ANKS1B: variants seen among roughly 807,000 people sequenced by gnomAD.
ANKS1B encodes ankyrin repeat and sterile alpha motif domain containing 1B.
A neutral mutation model predicts 148.3 loss-of-function variants in ANKS1B; 36 were observed. The observed-to-expected ratio is 0.24, with a 90% CI of 0.19 to 0.32. The LOEUF (loss-of-function observed/expected upper bound fraction) is 0.32, where lower values mean the gene tolerates loss of function less well. Among genes scored for constraint, ANKS1B ranks in the 10% least tolerant of loss-of-function variants. The pLI, the probability that ANKS1B is intolerant of heterozygous loss-of-function variation, is 1.00. For missense variants in ANKS1B, 1,157 were observed against 1,542.6 expected, an observed-to-expected ratio of 0.75 and a Z score of 4.19; for synonymous variants, 542 against 560.8, an observed-to-expected ratio of 0.97 and a Z score of 0.47.
intron 10 of ANKS1B, among the ~76,000 whole-genome samples, chr12:99,471,933 T>A (rs558038242): frequency 6.6e-6 from 1 of 152,268 alleles, no homozygotes; most frequent in African/African-American, 2.4e-5. Context: ...ATTGTTAAGT[T>A]ATTTAGTGGT....
intron 1 of ANKS1B, among the ~76,000 whole-genome samples, chr12:99,918,023 A>C (rs2094225052): frequency 6.6e-6 from 1 of 152,224 alleles, no homozygotes; most frequent in South Asian, 2.1e-4. Context: ...GCTCCTTATG[A>C]GAATCTAATG....
At chr12:98,796,286 T>A (rs1490662189) in intron 22 of ANKS1B, among the ~76,000 whole-genome samples, 1 of 152,200 alleles carries the variant, frequency 6.6e-6, no homozygotes, top group Admixed American at 6.5e-5. Flanking sequence ...ACAGAAAACA[T>A]CTTTTTTTCA....
At chr12:99,082,008 AC>A (rs2049959810) in intron 16 of ANKS1B, among the ~76,000 whole-genome samples, 1 of 152,140 alleles carries the variant, frequency 6.6e-6, no homozygotes, top group South Asian at 2.1e-4. Flanking sequence ...TGTTATTAGT[AC>A]CTTGAGATAG....
rs59742104 is a variant in ANKS1B at position 99,095,525 on chromosome 12, C to A, written c.2527-10502G>T. On this transcript the variant is annotated intron_variant, in intron 15 of 26. Transcript: ENST00000683438. ...AATGATAGATATCTCCATTGGATAC[C>A]TGGAGGCAGGCAAGGATAGGCCATG... 4.0e-3 allele frequency among the ~76,000 whole-genome samples: 613 copies of A among 152,254 alleles called. 25 individuals carry two copies. In the East Asian group the frequency reaches 0.085, roughly 21 times the overall value.
chr12:99,760,190 T>C (rs1257701293), intron 8 of ANKS1B, among the ~76,000 whole-genome samples: 1 of 151,684 alleles, frequency 6.6e-6, no homozygotes, highest in African/African-American at 2.4e-5. Context: ...GCAAGAATCA[T>C]TAACAATTAG....
chr12:99,520,580 A>G (rs2096865330), intron 9 of ANKS1B, among the ~76,000 whole-genome samples: 1 of 152,056 alleles, frequency 6.6e-6, no homozygotes, highest in African/African-American at 2.4e-5. Flanking sequence ...CTTGCATTCT[A>G]TAATCTTCTT....
chr12:99,686,645 A>C (rs1338310244), intron 8 of ANKS1B, among the ~76,000 whole-genome samples: 1 of 152,218 alleles, frequency 6.6e-6, no homozygotes, highest in Non-Finnish European at 1.5e-5. Flanking sequence ...TATGACAATT[A>C]TAGACATGTA....
chr12:99,526,499 T>C (rs1326750457), intron 9 of ANKS1B, among the ~76,000 whole-genome samples: 2 of 152,058 alleles, frequency 1.3e-5, no homozygotes, highest in Non-Finnish European at 2.9e-5. Flanking sequence ...GGAGTGTGGG[T>C]GGAGGGAAGC....
At chr12:99,216,975 T>G (rs1316880234) in intron 14 of ANKS1B, among the ~76,000 whole-genome samples, 5 of 152,136 alleles carry the variant, frequency 3.3e-5, no homozygotes, top group Admixed American at 2.0e-4. Context: ...TATGGATGGA[T>G]GGACATAGCT....
chr12:99,715,377 T>A (rs1008651927), intron 8 of ANKS1B, among the ~76,000 whole-genome samples: 11 of 152,164 alleles, frequency 7.2e-5, no homozygotes, highest in African/African-American at 2.7e-4. Flanking sequence ...GCTCCCCTAC[T>A]GAGCACCTTG....
intron 10 of ANKS1B, among the ~76,000 whole-genome samples, chr12:99,446,538 A>G (rs2095640818): frequency 6.6e-6 from 1 of 152,092 alleles, no homozygotes; most frequent in Non-Finnish European, 1.5e-5. Flanking sequence ...TCTCAAAGTT[A>G]TATTCTCAGT....
chr12:98,763,737 A>T (rs960774530), intron 25 of ANKS1B, among the ~76,000 whole-genome samples: 1 of 152,246 alleles, frequency 6.6e-6, no homozygotes, highest in Non-Finnish European at 1.5e-5. Flanking sequence ...GTCTAAAATC[A>T]TAACATATTT....
intron 17 of ANKS1B, among the ~76,000 whole-genome samples, chr12:98,972,540 C>T (rs774395973): frequency 6.6e-6 from 1 of 152,176 alleles, no homozygotes; most frequent in South Asian, 2.1e-4. Context: ...CATTGCCCAG[C>T]TGCACACAGC....
At chr12:99,050,743 G>A (rs1234130807) in intron 17 of ANKS1B, among the ~76,000 whole-genome samples, 7 of 142,318 alleles carry the variant, frequency 4.9e-5, no homozygotes, top group Non-Finnish European at 7.5e-5. Context: ...CCAGGCTGGA[G>A]TGCAGTGGCG....
At chr12:99,193,069 A>G (rs2080944414) in intron 14 of ANKS1B, among the ~76,000 whole-genome samples, 1 of 152,130 alleles carries the variant, frequency 6.6e-6, no homozygotes. Context: ...ATCTCTTCCT[A>G]CTTCTTCAGA....
rs547362491 is a variant in ANKS1B at position 99,598,635 on chromosome 12, G to A, written c.1272+56432C>T. Among the ~76,000 whole-genome samples the A allele has an allele frequency of 1.1e-3, 164 of 152,168 alleles. 1 individual carries two copies. Among genetic ancestry groups the A allele is most frequent in the Middle Eastern group, 3.4e-3 (1 of 294 alleles). On this transcript the variant is annotated intron_variant, in intron 9 of 26. Coordinates refer to ENST00000683438, the MANE Select transcript of ANKS1B (RefSeq NM_001352186.2). The stretch of plus-strand genomic sequence containing the variant: ...AGCAGGCACAATGGGACAGAGGGCC[G>A]ACTTGCCAGAGAGAGTCAGAAAAAG...
chr12:98,757,617 T>C (rs983563583), intron 25 of ANKS1B, among the ~76,000 whole-genome samples: 1 of 152,126 alleles, frequency 6.6e-6, no homozygotes, highest in African/African-American at 2.4e-5. Flanking sequence ...AGGTGTCCCA[T>C]CCCATCTGCT....
intron 17 of ANKS1B, among the ~76,000 whole-genome samples, chr12:98,956,145 G>A (rs1323427967): frequency 1.3e-5 from 2 of 152,276 alleles, no homozygotes; most frequent in South Asian, 2.1e-4. Flanking sequence ...TGTGACTGTG[G>A]TGAGTGGGCA....
chr12:99,654,546 A>G (rs773175624), intron 9 of ANKS1B, among the ~76,000 whole-genome samples: 25 of 152,222 alleles, frequency 1.6e-4, no homozygotes, highest in South Asian at 6.2e-4. Context: ...GATTTAAAGT[A>G]GTCTTAATGA....
Sources: allele counts gnomAD v4.1 joint callset (sites outside exome capture counted in the v4.1 genomes callset), GRCh38; gene constraint gnomAD v4.1.1; transcripts MANE v1.5; gene names NCBI Gene and HGNC (gene_info 2026-07-23, HGNC 2026-07-21).